The following GARIN1A variants were observed in gnomAD, a reference collection of about 807,000 sequenced individuals.
The protein encoded by GARIN1A is golgi associated RAB2 interactor 1A, also known as Golgi-associated RAB2 interactor protein 1A.
the GARIN1A span, chr7:128,685,456 C>CT: frequency 6.6e-6 from 1 of 152,198 alleles, no homozygotes; most frequent in East Asian, 1.9e-4. Context: ...GGTTCACATC[C>CT]TATGTGGTGC....
chr7:128,676,185 G>A, the GARIN1A span, among the ~76,000 whole-genome samples: 9 of 150,384 alleles, frequency 6.0e-5, no homozygotes, highest in African/African-American at 1.9e-4. Flanking sequence ...TTTTTTTTTG[G>A]ATTTTTAGTA....
the GARIN1A span, among the ~76,000 whole-genome samples, chr7:128,673,568 T>C: frequency 3.9e-4 from 59 of 152,222 alleles, no homozygotes; most frequent in Middle Eastern, 6.8e-3. Context: ...CCCATTCAAA[T>C]GGAATGGGAA....
At chr7:128,680,099 C>G in the GARIN1A span, 2 of 1,579,766 alleles carry the variant, frequency 1.3e-6, no homozygotes, top group African/African-American at 2.7e-5. Flanking sequence ...CTGAGCAGAC[C>G]AGTGGCAGTT....
chr7:128,678,015 C>CTTTTTTTTTT, the GARIN1A span: 1 of 165,510 alleles, frequency 6.0e-6, no homozygotes. Context: ...AGAAATGTTT[C>CTTTTTTTTTT]TTTTTTTTTT....
At chr7:128,707,994 CCTTT>C in the GARIN1A span, among the ~76,000 whole-genome samples, 2 of 149,230 alleles carry the variant, frequency 1.3e-5, no homozygotes, top group African/African-American at 5.0e-5. Context: ...CTTTCTCCTT[CCTTT>C]CTCTCCTTCT....
At chr7:128,675,697 G>A in the GARIN1A span, 6 of 1,613,852 alleles carry the variant, frequency 3.7e-6, 1 homozygote, top group Middle Eastern at 1.6e-4. Flanking sequence ...GGGAACTGGA[G>A]AGATGTCTGT....
the GARIN1A span, among the ~76,000 whole-genome samples, chr7:128,694,458 CG>C: frequency 1.3e-5 from 2 of 151,530 alleles, no homozygotes; most frequent in African/African-American, 4.9e-5. Flanking sequence ...TGCTTGAACC[CG>C]GGAGGTAGAG....
chr7:128,681,524 C>A, the GARIN1A span, among the ~76,000 whole-genome samples: 1 of 139,462 alleles, frequency 7.2e-6, no homozygotes, highest in Admixed American at 7.4e-5. Flanking sequence ...TCCTTTCCAA[C>A]AGTGTCTCAC....
the GARIN1A span, chr7:128,672,323 A>C: frequency 1.5e-6 from 2 of 1,332,094 alleles, no homozygotes; most frequent in Non-Finnish European, 2.1e-6. Context: ...GGCAGATCAC[A>C]TCAACATCCT....
chr7:128,701,697 T>TA, the GARIN1A span, among the ~76,000 whole-genome samples: 12 of 151,954 alleles, frequency 7.9e-5, no homozygotes, highest in African/African-American at 2.7e-4. Flanking sequence ...GAGCAGGTGA[T>TA]AGAGGCTAGG....
chr7:128,679,246 G>A, the GARIN1A span, among the ~76,000 whole-genome samples: 1 of 151,692 alleles, frequency 6.6e-6, no homozygotes, highest in Non-Finnish European at 1.5e-5. Context: ...AGGCTAGAGT[G>A]CAGTGGTGTA....
chr7:128,674,492 C>G, the GARIN1A span, among the ~76,000 whole-genome samples: 5 of 152,162 alleles, frequency 3.3e-5, no homozygotes, highest in Non-Finnish European at 5.9e-5. Context: ...TACAGTTACA[C>G]TGCTTCCTCT....
the GARIN1A span, chr7:128,677,871 A>C: frequency 1.4e-6 from 2 of 1,425,194 alleles, no homozygotes; most frequent in Non-Finnish European, 1.9e-6. Context: ...GTATATATGT[A>C]AGTGTCTGTG....
At chr7:128,673,302 A>C in the GARIN1A span, among the ~76,000 whole-genome samples, 1 of 152,200 alleles carries the variant, frequency 6.6e-6, no homozygotes, top group Admixed American at 6.6e-5. Context: ...AGCAAGCTCT[A>C]TGTCAGAGAG....
chr7:128,701,417 AGGAGAGGGGAAG>A, the GARIN1A span, among the ~76,000 whole-genome samples: 1 of 3,066 alleles, frequency 3.3e-4, no homozygotes, highest in African/African-American at 1.5e-3. Flanking sequence ...AGGGAAGGGG[AGGAGAGGGGAAG>A]GGGAGGGGAG....
the GARIN1A span, among the ~76,000 whole-genome samples, chr7:128,704,844 C>T: frequency 6.6e-6 from 1 of 152,090 alleles, no homozygotes; most frequent in East Asian, 1.9e-4. Context: ...GGCTGGGGAC[C>T]CCTGCTTTAG....
the GARIN1A span, among the ~76,000 whole-genome samples, chr7:128,693,020 A>G: frequency 6.6e-6 from 1 of 152,280 alleles, no homozygotes; most frequent in Non-Finnish European, 1.5e-5. Flanking sequence ...TGAAACCACC[A>G]GAATTACCAC....
the GARIN1A span, among the ~76,000 whole-genome samples, chr7:128,674,264 A>C: frequency 6.6e-6 from 1 of 152,238 alleles, no homozygotes; most frequent in Non-Finnish European, 1.5e-5. Flanking sequence ...GCTGACCCGC[A>C]CAGAAAAGTT....
the GARIN1A span, among the ~76,000 whole-genome samples, chr7:128,688,984 G>A: frequency 1.3e-5 from 2 of 151,430 alleles, no homozygotes; most frequent in Non-Finnish European, 2.9e-5. Flanking sequence ...TATTTTTTTG[G>A]TGGAGACGGG....
Sources: gnomAD v4.1 joint callset for allele counts (sites outside exome capture counted in the v4.1 genomes callset) on GRCh38, gnomAD v4.1.1 for gene constraint, MANE v1.5 for transcripts, NCBI Gene and HGNC (gene_info 2026-07-23, HGNC 2026-07-21) for gene names.